TBC1D2B: variants seen among roughly 807,000 people sequenced by gnomAD.
TBC1D2B encodes the protein TBC1 domain family member 2B.
A neutral mutation model predicts 100.8 loss-of-function variants in TBC1D2B; 64 were observed. The ratio of observed to expected loss-of-function variants is 0.64; its 90% CI spans 0.52 to 0.78. The LOEUF (loss-of-function observed/expected upper bound fraction) is 0.78, where lower values mean the gene tolerates loss of function less well. Among genes scored for constraint, TBC1D2B ranks in the 30% least tolerant of loss-of-function variants. The probability of loss-of-function intolerance (pLI) is 0.00; values close to 1 mark genes in which losing one functional copy is unlikely to be tolerated. For synonymous variants in TBC1D2B, 480 were observed against 479.7 expected, an observed-to-expected ratio of 1.00 and a Z score of -0.01; for missense variants, 1,052 against 1,218.4, an observed-to-expected ratio of 0.86 and a Z score of 2.03.
chr15:78,065,199 T>C (rs2073632551), intron 1 of TBC1D2B, among the ~76,000 whole-genome samples: 1 of 152,206 alleles, frequency 6.6e-6, no homozygotes, highest in South Asian at 2.1e-4. Flanking sequence ...AGAAAAGCCA[T>C]TTCTTAAACC....
chr15:78,011,151 C>G (rs1223431238), intron 9 of TBC1D2B, among the ~76,000 whole-genome samples: 1 of 152,154 alleles, frequency 6.6e-6, no homozygotes, highest in Non-Finnish European at 1.5e-5. Context: ...TAGCTATAGT[C>G]CCTTTCACCT....
chr15:78,054,000 G>A, intron 2 of TBC1D2B, 34 bp downstream of exon 2: 1 of 1,592,982 alleles, frequency 6.3e-7, no homozygotes, highest in Non-Finnish European at 8.5e-7. Context: ...CTTACACAAA[G>A]AACTGACCCA....
At chr15:78,026,149 TTG>T (rs2072662705) in intron 4 of TBC1D2B, among the ~76,000 whole-genome samples, 1 of 131,866 alleles carries the variant, frequency 7.6e-6, no homozygotes, top group Admixed American at 8.7e-5. Context: ...TTGGTTTTTG[TTG>T]TTTTTTTTTT....
intron 5 of TBC1D2B, 94 bp from the exon 6 acceptor site, chr15:78,024,633 G>GTT: frequency 8.3e-7 from 1 of 1,207,924 alleles, no homozygotes; most frequent in Non-Finnish European, 1.1e-6. Context: ...AATCGACAGA[G>GTT]TTTGAGGAAA....
At chr15:78,006,110 G>C (rs1220180642) in intron 10 of TBC1D2B, among the ~76,000 whole-genome samples, 1 of 152,110 alleles carries the variant, frequency 6.6e-6, no homozygotes, top group Non-Finnish European at 1.5e-5. Flanking sequence ...CAGCTCACAG[G>C]AGGTAGGGCC....
At chr15:78,077,025 G>A (rs1245641409) in intron 1 of TBC1D2B, among the ~76,000 whole-genome samples, 9 of 152,348 alleles carry the variant, frequency 5.9e-5, no homozygotes, top group East Asian at 1.9e-4. Flanking sequence ...ACCAGAGACT[G>A]GCCCGAGGTT....
At chr15:78,074,119 G>A (rs989128339) in intron 1 of TBC1D2B, among the ~76,000 whole-genome samples, 3 of 150,626 alleles carry the variant, frequency 2.0e-5, no homozygotes, top group African/African-American at 4.9e-5. Context: ...CGCCTCCCGG[G>A]TTCATGCAAT....
chr15:78,038,625 G>C (rs1039070551), intron 3 of TBC1D2B, among the ~76,000 whole-genome samples: 2 of 152,200 alleles, frequency 1.3e-5, no homozygotes, highest in African/African-American at 4.8e-5. Flanking sequence ...TTGGGTCCCT[G>C]CAACAGGTGG....
chr15:78,029,907 TA>T (rs1259452438), intron 4 of TBC1D2B, 99 bp downstream of exon 4: 3 of 995,726 alleles, frequency 3.0e-6, no homozygotes, highest in Non-Finnish European at 4.3e-6. Flanking sequence ...CATTGGTCCT[TA>T]TGCTTCTCGA....
chr15:78,072,864 T>C (rs760702046), intron 1 of TBC1D2B, among the ~76,000 whole-genome samples: 3 of 152,164 alleles, frequency 2.0e-5, no homozygotes, highest in African/African-American at 7.2e-5. Flanking sequence ...ACAGGAAGCA[T>C]CAGCCTCTGC....
intron 1 of TBC1D2B, among the ~76,000 whole-genome samples, chr15:78,062,041 C>T (rs1180185131): frequency 6.6e-6 from 1 of 152,178 alleles, no homozygotes; most frequent in Non-Finnish European, 1.5e-5. Flanking sequence ...ACAAAACACT[C>T]TGTCAAGACC....
At position 78,033,721 on chromosome 15, in the gene TBC1D2B, C is replaced by T. The variant is rs115602797; in HGVS notation, c.684-3551G>A. On this transcript the variant is annotated intron_variant, in intron 3 of 12. Transcript: ENST00000300584. ...AAATAAGGAAGAGGAAGAAATGTATCATTTGGTGTTTTCTGAGGTGGATTA... is the reference window on the plus strand; with the variant it reads ...AAATAAGGAAGAGGAAGAAATGTATTATTTGGTGTTTTCTGAGGTGGATTA... Among the ~76,000 whole-genome samples the T allele has an allele frequency of 6.7e-3, 1,012 of 152,120 alleles. 13 individuals are homozygous for T. The highest frequency in any genetic ancestry group is 0.024 in the African/African-American group (975 of 41,474).
At chr15:78,060,695 T>A (rs957529696) in intron 1 of TBC1D2B, among the ~76,000 whole-genome samples, 1 of 151,984 alleles carries the variant, frequency 6.6e-6, no homozygotes, top group Admixed American at 6.6e-5. Flanking sequence ...GACAGGCAGA[T>A]CACCTGAAGT....
At chr15:78,015,484 G>A (rs1190395926) in intron 8 of TBC1D2B, among the ~76,000 whole-genome samples, 1 of 152,170 alleles carries the variant, frequency 6.6e-6, no homozygotes, top group African/African-American at 2.4e-5. Flanking sequence ...AAACGCTTTT[G>A]CATGGGAAGA....
chr15:78,064,409 T>A (rs1289749003), intron 1 of TBC1D2B, among the ~76,000 whole-genome samples: 1 of 152,084 alleles, frequency 6.6e-6, no homozygotes, highest in Non-Finnish European at 1.5e-5. Flanking sequence ...ATATACAGAA[T>A]AGGTCAAGTC....
At chr15:78,033,528 C>T (rs920771153) in intron 3 of TBC1D2B, among the ~76,000 whole-genome samples, 4 of 152,094 alleles carry the variant, frequency 2.6e-5, no homozygotes, top group Admixed American at 1.3e-4. Context: ...CGCAAAGGAA[C>T]GTGAAGGAAT....
rs2073370886 is a variant in TBC1D2B, at chr15:78,054,118, T to A, written c.430A>T (p.Ser144Cys). 1.2e-6 allele frequency: 2 copies of A among 1,613,932 alleles called. No homozygotes were observed. The highest frequency in any genetic ancestry group is 1.1e-5 in the South Asian group (1 of 91,076). ...CTGTCCCACTTGACCATGTCAAGAC[T>A]GTTACAATATTCCCATCTCTTCTGC... ...LQQKRWEYCNSLDMVKWDSRT... is the reference protein window; with the variant it reads ...LQQKRWEYCNCLDMVKWDSRT... Residue 144 changes from serine (S) to cysteine (C), a missense_variant, in exon 2 of 13, where the codon AGT becomes TGT. This residue lies in a region of TBC1D2B where 627 missense variants were observed against 646.1 expected (regional missense o/e 0.97). Coordinates refer to ENST00000300584, the MANE Select transcript of TBC1D2B (RefSeq NM_144572.2).
rs546576829 is a variant in TBC1D2B, at chr15:78,021,036, C to T, written c.1471-3079G>A. Among the ~76,000 whole-genome samples, 10 of 152,160 alleles carry T rather than the reference C, an allele frequency of 6.6e-5. 1 individual carries two copies. The South Asian group carries it at 8.3e-4, about 13-fold the overall frequency. On this transcript the variant is annotated intron_variant, in intron 6 of 12. Coordinates refer to ENST00000300584, the MANE Select transcript of TBC1D2B (RefSeq NM_144572.2). ...ATACACTTCAAAAATGGAAGAATTA[C>T]GGAAACACAGAAAAGGATTGGAAGG...
chr15:78,010,641 G>A (rs972554507), intron 9 of TBC1D2B, among the ~76,000 whole-genome samples: 1 of 151,960 alleles, frequency 6.6e-6, no homozygotes, highest in African/African-American at 2.4e-5. Context: ...GACAGGACTC[G>A]ATGGCGCCAG....
Sources: gnomAD v4.1 joint callset for allele counts (sites outside exome capture counted in the v4.1 genomes callset) on GRCh38, gnomAD v4.1.1 for gene constraint, gnomAD v4.1.1 regional missense constraint, MANE v1.5 for transcripts, NCBI Gene and HGNC (gene_info 2026-07-23, HGNC 2026-07-21) for gene names.